The following NKAIN3 variants were observed in gnomAD, a reference collection of about 807,000 sequenced individuals.
NKAIN3 encodes the protein sodium/potassium transporting ATPase interacting 3, also known as sodium/potassium-transporting ATPase subunit beta-1-interacting protein 3.
NKAIN3 carries 25 observed loss-of-function variants against 30.2 expected under a neutral mutation model. The observed-to-expected ratio is 0.83, with a 90% CI of 0.60 to 1.16. The LOEUF is 1.16. Ranked by LOEUF, NKAIN3 falls within the 50% of genes most tolerant of loss-of-function variation. NKAIN3 has a pLI of 0.00. For missense variants in NKAIN3, 225 were observed against 254.1 expected (o/e 0.89, Z 0.78); for synonymous variants, 91 against 89.6 (o/e 1.02, Z -0.09).
rs921530046 is a variant in NKAIN3 at position 62,805,099 on chromosome 8, G to A, written c.471+57970G>A. On this transcript the variant is annotated intron_variant, in intron 4 of 6. Coordinates refer to ENST00000623646, the MANE Select transcript of NKAIN3 (RefSeq NM_001304533.3). ...CCTAGGAATCCAACCTACAAGGGAC[G>A]TGAAGGACCTCTTCAAGGAGAACTA... is the stretch of plus-strand genomic sequence containing the variant. Among the ~76,000 whole-genome samples, 425 of 152,206 alleles carry A rather than the reference G, an allele frequency of 2.8e-3. 3 individuals carry two copies. The highest frequency in any genetic ancestry group is 9.8e-3 in the African/African-American group (405 of 41,516).
chr8:62,727,303 C>T (rs1206777477), intron 3 of NKAIN3, among the ~76,000 whole-genome samples: 1 of 152,092 alleles, frequency 6.6e-6, no homozygotes, highest in Non-Finnish European at 1.5e-5. Context: ...GCAAGAACGT[C>T]CCAGCTCACC....
intron 3 of NKAIN3, among the ~76,000 whole-genome samples, chr8:62,740,506 A>C (rs1815829588): frequency 6.6e-6 from 1 of 152,176 alleles, no homozygotes; most frequent in South Asian, 2.1e-4. Flanking sequence ...CATTTCTAGA[A>C]ATAGAAAGCA....
intron 4 of NKAIN3, among the ~76,000 whole-genome samples, chr8:62,885,885 A>C (rs1320756924): frequency 1.2e-4 from 18 of 152,072 alleles, no homozygotes; most frequent in Admixed American, 1.2e-3. Flanking sequence ...ACATTTAAAG[A>C]GGGTTTCTTA....
chr8:62,279,722 C>T (rs933841617), intron 1 of NKAIN3, among the ~76,000 whole-genome samples: 2 of 152,078 alleles, frequency 1.3e-5, no homozygotes, highest in African/African-American at 4.8e-5. Context: ...TGTTCTGTTC[C>T]ATTGGTCTAT....
chr8:62,603,104 G>A (rs1367960942), intron 3 of NKAIN3, among the ~76,000 whole-genome samples: 3 of 152,102 alleles, frequency 2.0e-5, no homozygotes, highest in African/African-American at 7.2e-5. Flanking sequence ...GATCATTGTA[G>A]AAGAACAATA....
At chr8:62,869,744 T>A (rs1409613331) in intron 4 of NKAIN3, among the ~76,000 whole-genome samples, 1 of 151,920 alleles carries the variant, frequency 6.6e-6, no homozygotes, top group African/African-American at 2.4e-5. Flanking sequence ...GCCCCGTTTT[T>A]TTTCCTTTGT....
intron 3 of NKAIN3, among the ~76,000 whole-genome samples, chr8:62,721,008 T>G (rs1290665154): frequency 6.6e-6 from 1 of 152,242 alleles, no homozygotes; most frequent in Non-Finnish European, 1.5e-5. Context: ...GAGCATATAC[T>G]GACCTCTGAG....
At chr8:62,543,194 A>G (rs1808898534) in intron 1 of NKAIN3, among the ~76,000 whole-genome samples, 1 of 152,160 alleles carries the variant, frequency 6.6e-6, no homozygotes, top group Non-Finnish European at 1.5e-5. Context: ...TGGTTGTCTG[A>G]GACTGATGGT....
chr8:62,793,213 T>C (rs1300110958), intron 4 of NKAIN3, among the ~76,000 whole-genome samples: 1 of 151,804 alleles, frequency 6.6e-6, no homozygotes, highest in African/African-American at 2.4e-5. Context: ...AAAAAAGCAC[T>C]CCCAAAAGTC....
chr8:62,804,167 A>C (rs1486068891), intron 4 of NKAIN3, among the ~76,000 whole-genome samples: 16 of 152,282 alleles, frequency 1.1e-4, no homozygotes, highest in South Asian at 4.1e-4. Context: ...GATTCACAGC[A>C]GAATTCTACC....
At chr8:62,882,174 A>T (rs369551206) in intron 4 of NKAIN3, among the ~76,000 whole-genome samples, 1 of 152,088 alleles carries the variant, frequency 6.6e-6, no homozygotes, top group East Asian at 1.9e-4. Context: ...CCTCTTTTGC[A>T]TATGTTTTTT....
intron 4 of NKAIN3, among the ~76,000 whole-genome samples, chr8:62,891,512 C>T (rs1335328282): frequency 6.6e-6 from 1 of 152,162 alleles, no homozygotes; most frequent in Non-Finnish European, 1.5e-5. Context: ...TGAGTCAATT[C>T]TCGTAATAAA....
chr8:62,714,828 C>G (rs1245294561), intron 3 of NKAIN3, among the ~76,000 whole-genome samples: 2 of 152,198 alleles, frequency 1.3e-5, no homozygotes, highest in Non-Finnish European at 2.9e-5. Context: ...GCTTGGATCA[C>G]TTGCAAAACT....
intron 1 of NKAIN3, among the ~76,000 whole-genome samples, chr8:62,490,853 G>C (rs190292892): frequency 1.4e-4 from 22 of 152,268 alleles, no homozygotes; most frequent in Admixed American, 1.2e-3. Flanking sequence ...ATTTAACCTT[G>C]CTGAAGCTCC....
In NKAIN3 at chr8:62,628,876, T is replaced by A. The variant is rs1045454419; in HGVS notation, c.273+39082T>A. ...CTATGAGGGCAAAGACTGTCTTTTT[T>A]AAAATTTCTTCAATATTTTATTCTG... On this transcript the variant is annotated intron_variant, in intron 3 of 6. Coordinates refer to ENST00000623646, the MANE Select transcript of NKAIN3 (RefSeq NM_001304533.3). 5.9e-5 allele frequency among the ~76,000 whole-genome samples: 9 copies of A among 152,158 alleles called. No homozygotes were observed. The South Asian group carries it at 1.9e-3, about 32-fold the overall frequency.
rs540151059 is a variant in NKAIN3 at position 62,517,679 on chromosome 8, G to A, written c.55-61860G>A. 2.6e-5 allele frequency among the ~76,000 whole-genome samples: 4 copies of A among 152,186 alleles called. No individual in the cohort carries two copies. The South Asian group carries it at 8.3e-4, about 32-fold the overall frequency. On this transcript the variant is annotated intron_variant, in intron 1 of 6. Coordinates refer to ENST00000623646, the MANE Select transcript of NKAIN3 (RefSeq NM_001304533.3). The stretch of plus-strand genomic sequence containing the variant: ...CCCACAATGTGTATGATCAAGAAAG[G>A]AAAAGCAAATCTGCTCACCCATAAC...
intron 1 of NKAIN3, among the ~76,000 whole-genome samples, chr8:62,339,722 G>A (rs10107996): frequency 0.83 from 125,931 of 151,992 alleles, 53,810 homozygotes; most frequent in East Asian, 0.95. Flanking sequence ...CCTAAGAGGC[G>A]TCAGAAATCA....
chr8:62,336,887 G>C (rs1490516801), intron 1 of NKAIN3, among the ~76,000 whole-genome samples: 1 of 152,066 alleles, frequency 6.6e-6, no homozygotes, highest in Admixed American at 6.6e-5. Flanking sequence ...TTTGTGGGCT[G>C]TACTGTTTGT....
At chr8:62,520,285 G>C (rs555018116) in intron 1 of NKAIN3, among the ~76,000 whole-genome samples, 1 of 151,950 alleles carries the variant, frequency 6.6e-6, no homozygotes, top group Non-Finnish European at 1.5e-5. Flanking sequence ...ATGATACTTA[G>C]GGAAGTATAA....
Sources: gnomAD v4.1 joint callset for allele counts (sites outside exome capture counted in the v4.1 genomes callset) on GRCh38, gnomAD v4.1.1 for gene constraint, MANE v1.5 for transcripts, NCBI Gene and HGNC (gene_info 2026-07-23, HGNC 2026-07-21) for gene names.